STAT5B: variants seen among roughly 807,000 people sequenced by gnomAD.
The protein encoded by STAT5B is signal transducer and activator of transcription 5B, also known as transcription factor STAT5B.
In STAT5B, 21 loss-of-function variants were observed where a neutral mutation model predicts 107.8. The observed-to-expected ratio is 0.19, with a 90% CI of 0.14 to 0.28. The LOEUF is 0.28. Ranked by LOEUF, STAT5B falls within the 10% of genes least tolerant of loss-of-function variation. The pLI, the probability that STAT5B is intolerant of heterozygous loss-of-function variation, is 1.00. For missense variants in STAT5B, 565 were observed against 1,008.2 expected (o/e 0.56, Z 5.95); for synonymous variants, 325 against 401.7 (o/e 0.81, Z 2.28).
In STAT5B at chr17:42,275,998, C is replaced by A. The variant is rs552294599; in HGVS notation, c.-11+250G>T. ...CGCAGCCTTTAAAGCGCACGCCCCC[C>A]GCGGCGCCGCGGCGTTCGCAAGTCC... On this transcript the variant is annotated intron_variant, in intron 1 of 18. Transcript: ENST00000293328. 2.6e-5 allele frequency among the ~76,000 whole-genome samples: 4 copies of A among 151,800 alleles called. No individual in the cohort carries two copies. The South Asian group carries it at 8.3e-4, about 31-fold the overall frequency.
Position 42,276,034 on chromosome 17 carries a change from C to G in STAT5B, c.-11+214G>C, listed in dbSNP as rs1199054354. On this transcript the variant is annotated intron_variant, in intron 1 of 18. Transcript: ENST00000293328. This position sits in a 1 kb window ranked among gnomAD's most constrained non-coding sequence, Gnocchi z 4.8. Reference sequence around the variant, plus strand: ...GGCGTTCGCAAGTCCCCCTCGCGCACCCCGCATTGCCCTCAGCCTCCCCGG... The same window carrying G: ...GGCGTTCGCAAGTCCCCCTCGCGCAGCCCGCATTGCCCTCAGCCTCCCCGG... 6.6e-6 allele frequency among the ~76,000 whole-genome samples: 1 copy of G among 151,376 alleles called. No homozygotes were observed. The highest frequency in any genetic ancestry group is 1.5e-5 in the Non-Finnish European group (1 of 67,744).
At chr17:42,266,192 T>C (rs1309043807) in intron 1 of STAT5B, among the ~76,000 whole-genome samples, 26 of 152,012 alleles carry the variant, frequency 1.7e-4, no homozygotes, top group Admixed American at 1.7e-3. Flanking sequence ...AATGTAATGT[T>C]AAGTTCTGTG....
intron 5 of STAT5B, among the ~76,000 whole-genome samples, chr17:42,221,379 C>T (rs1478444748): frequency 2.0e-5 from 3 of 152,080 alleles, no homozygotes; most frequent in East Asian, 1.9e-4. Context: ...GCCAGGGAGA[C>T]GGGAAGCAAT....
At chr17:42,251,740 C>T (rs1163219323) in intron 1 of STAT5B, among the ~76,000 whole-genome samples, 2 of 152,090 alleles carry the variant, frequency 1.3e-5, no homozygotes, top group Non-Finnish European at 2.9e-5. Flanking sequence ...TGGCTCACAC[C>T]TGTAATCTCA....
chr17:42,285,051 T>C, the STAT5B span, among the ~76,000 whole-genome samples: 2 of 152,100 alleles, frequency 1.3e-5, no homozygotes, highest in African/African-American at 4.8e-5. Context: ...TAATAAAATA[T>C]AGGAGGTCTT....
chr17:42,223,263 T>G lies in STAT5B; in HGVS notation c.550+119A>C, dbSNP rs114196602. The stretch of plus-strand genomic sequence containing the variant: ...TTCAATGCAAATAAGTCCCTGCTAC[T>G]CAGAGAAAGGTCGCTGCCTCCGAAT... On this transcript the variant is annotated intron_variant, in intron 5 of 18. Coordinates refer to ENST00000293328, the MANE Select transcript of STAT5B (RefSeq NM_012448.4). 1.7e-3 allele frequency: 2,526 copies of G among 1,460,340 alleles called. 38 individuals carry two copies. In the African/African-American group the frequency reaches 0.031, roughly 18 times the overall value. The allele number at this position is 1,460,340 out of a possible 1,614,324, so 90.5% of individuals were successfully genotyped here. A position where few individuals can be genotyped will look rare whatever the true frequency, so the allele number is the denominator to read the frequency against.
upstream of STAT5B, among the ~76,000 whole-genome samples, chr17:42,280,211 G>T (rs2080789982): frequency 6.6e-6 from 1 of 152,094 alleles, no homozygotes; most frequent in South Asian, 2.1e-4. Flanking sequence ...ATGTCCACTG[G>T]AGGGTCTCAT....
intron 15 of STAT5B, among the ~76,000 whole-genome samples, chr17:42,209,433 A>G (rs1327484890): frequency 2.6e-5 from 4 of 152,170 alleles, no homozygotes; most frequent in Non-Finnish European, 4.4e-5. Flanking sequence ...GAGAGAACTA[A>G]CTTTCCTGAT....
chr17:42,279,692 T>C (rs1056305250), upstream of STAT5B, among the ~76,000 whole-genome samples: 9 of 151,924 alleles, frequency 5.9e-5, no homozygotes, highest in African/African-American at 1.9e-4. Flanking sequence ...TCCCAGCTAC[T>C]TGGGAGGCTG....
rs371149930 is a variant in STAT5B, at chr17:42,265,377, C to CTTTTTTTTTT, written c.-11+10861_-11+10870dup. On this transcript the variant is annotated intron_variant, in intron 1 of 18. Transcript: ENST00000293328. ...GCTAAGTCAAAGGGTATGTACTCTT[C>CTTTTTTTTTT]TTTTTTTTTTTTGAGACGAAGTCTC... Among the ~76,000 whole-genome samples the CTTTTTTTTTT allele has an allele frequency of 2.4e-4, 26 of 110,598 alleles. 6 individuals are homozygous for CTTTTTTTTTT. The highest frequency in any genetic ancestry group is 1.7e-3 in the South Asian group (5 of 2,956). The allele number at this position is 110,598 out of a possible 152,430, so 72.6% of individuals were successfully genotyped here.
intron 1 of STAT5B, among the ~76,000 whole-genome samples, chr17:42,268,433 A>C (rs2080693238): frequency 6.6e-6 from 1 of 152,204 alleles, no homozygotes; most frequent in Non-Finnish European, 1.5e-5. Context: ...TGATGGTACC[A>C]CAATGACAAA....
chr17:42,267,338 T>C lies in STAT5B; in HGVS notation c.-11+8910A>G, dbSNP rs142125898. Among the ~76,000 whole-genome samples, 10 of 152,300 alleles carry C rather than the reference T, an allele frequency of 6.6e-5. No homozygotes were observed. The East Asian group carries it at 1.9e-3, about 29-fold the overall frequency. ...CCTCAGGCAGGTCCTTCAGGAGGCA[T>C]TGTTATCACAAGAGATGACAGCTCC... On this transcript the variant is annotated intron_variant, in intron 1 of 18. Transcript: ENST00000293328.
At chr17:42,258,770 G>C (rs577894048) in intron 1 of STAT5B, among the ~76,000 whole-genome samples, 25 of 152,336 alleles carry the variant, frequency 1.6e-4, no homozygotes, top group Non-Finnish European at 3.2e-4. Context: ...CCCTTCTGAA[G>C]CTCCGTTTGT....
Position 42,211,993 on chromosome 17 carries a change from C to T in STAT5B, c.1671G>A (p.Gln557=), listed in dbSNP as rs1349760786. The part of the protein sequence containing the change: ...DYSGLSVSWS[Q]FNRENLPGRN... ...CAGCTGGGCTCCTCACCCTGTTGAA[C>T]TGGGACCAGGACACAGACAGGCCAC... The change falls in exon 13 of 19, where the codon CAG becomes CAA. Residue 557 remains glutamine (Q), a synonymous_variant. Transcript: ENST00000293328. 6.2e-7 allele frequency: 1 copy of T among 1,611,936 alleles called. No homozygotes were observed. Among genetic ancestry groups the T allele is most frequent in the Admixed American group, 1.7e-5 (1 of 59,628 alleles).
chr17:42,241,445 ATT>A (rs373823195), intron 1 of STAT5B, among the ~76,000 whole-genome samples: 6 of 143,650 alleles, frequency 4.2e-5, no homozygotes, highest in Admixed American at 7.0e-5. Flanking sequence ...TAGTACAGCA[ATT>A]TTTTTTTTTT....
chr17:42,212,314 A>G, intron 12 of STAT5B, 124 bp from the exon 13 acceptor site: 1 of 1,485,754 alleles, frequency 6.7e-7, no homozygotes, highest in Non-Finnish European at 9.2e-7. Context: ...GGGCCTGAGG[A>G]TAAATTCAGA....
intron 13 of STAT5B, 38 bp from the exon 14 acceptor site, chr17:42,210,535 A>G (rs1192932213): frequency 1.3e-6 from 2 of 1,533,918 alleles, no homozygotes; most frequent in East Asian, 2.2e-5. Context: ...AGAACACCAG[A>G]GTAACACTTG....
At chr17:42,240,090 G>A (rs564829810) in intron 1 of STAT5B, among the ~76,000 whole-genome samples, 1 of 152,354 alleles carries the variant, frequency 6.6e-6, no homozygotes, top group East Asian at 1.9e-4. Flanking sequence ...GCCGAGATCT[G>A]TGCCACTGCA....
At chr17:42,256,449 A>G (rs2080545443) in intron 1 of STAT5B, among the ~76,000 whole-genome samples, 1 of 152,128 alleles carries the variant, frequency 6.6e-6, no homozygotes, top group South Asian at 2.1e-4. Context: ...AGTTCTCTGG[A>G]TACACCTGCT....
Sources: gnomAD v4.1 joint callset for allele counts (sites outside exome capture counted in the v4.1 genomes callset) on GRCh38, gnomAD v4.1.1 for gene constraint, Gnocchi (gnomAD v3.1) non-coding constraint, MANE v1.5 for transcripts, NCBI Gene and HGNC (gene_info 2026-07-23, HGNC 2026-07-21) for gene names.